GREM2: variants seen among roughly 807,000 people sequenced by gnomAD.
GREM2 encodes the protein gremlin 2, DAN family BMP antagonist.
Under a neutral mutation model 14.2 loss-of-function variants are expected in GREM2, and 11 were observed. The observed-to-expected ratio is 0.78, with a 90% CI of 0.49 to 1.28. The LOEUF is 1.28. GREM2 is among the 50% of genes most tolerant of loss of function. GREM2 has a pLI of 0.00. For synonymous variants in GREM2, 98 were observed against 97.6 expected (o/e 1.00, Z -0.02); for missense variants, 210 against 218.5 (o/e 0.96, Z 0.24).
chr1:240,505,855 T>C (rs1489939628), intron 1 of GREM2, among the ~76,000 whole-genome samples: 1 of 151,934 alleles, frequency 6.6e-6, no homozygotes, highest in African/African-American at 2.4e-5. Context: ...GAGAAAAAAA[T>C]GTAAAATTTC....
In GREM2 at chr1:240,493,085, C is replaced by A. The variant is rs34188522; in HGVS notation, c.391G>T (p.Val131Phe). 7 of 1,613,746 alleles carry A rather than the reference C, an allele frequency of 4.3e-6. No homozygotes were observed. In the East Asian group the frequency reaches 1.6e-4, roughly 36 times the overall value. ...AFCKPQRVTS[V>F]LVELECPGLD... ...CCGGGGCACTCGAGCTCCACGAGGA[C>A]GGAGGTGACGCGCTGGGGCTTGCAG... is the stretch of plus-strand genomic sequence containing the variant. Residue 131 changes from valine (V) to phenylalanine (F), a missense_variant, in exon 2 of 2, where the codon GTC becomes TTC. Val to Phe is a conservative substitution (Grantham distance 50). Coordinates refer to ENST00000318160, the MANE Select transcript of GREM2 (RefSeq NM_022469.4).
Position 240,490,657 on chromosome 1 carries a change from G to T in GREM2, c.*2312C>A, listed in dbSNP as rs542291556. 1.3e-4 allele frequency: 20 copies of T among 152,452 alleles called. No homozygotes were observed. The highest frequency in any genetic ancestry group is 4.8e-4 in the African/African-American group (20 of 41,504). The allele number at this position is 152,452 out of a possible 1,614,324, so 9.4% of individuals were successfully genotyped here. ...TTTGTACATACGATAACCCCAGAAG[G>T]AGCTTCACACTGCAGCATATCATAT... is the stretch of plus-strand genomic sequence containing the variant. On this transcript the variant is annotated 3_prime_UTR_variant, in exon 2 of 2. Transcript: ENST00000318160.
At chr1:240,528,192 T>G (rs1678268424) in intron 1 of GREM2, among the ~76,000 whole-genome samples, 2 of 152,226 alleles carry the variant, frequency 1.3e-5, no homozygotes, top group African/African-American at 4.8e-5. Context: ...TTGAGCTCCA[T>G]TTAAATATCT....
At chr1:240,508,690 T>C (rs1677733937) in intron 1 of GREM2, among the ~76,000 whole-genome samples, 1 of 152,242 alleles carries the variant, frequency 6.6e-6, no homozygotes, top group South Asian at 2.1e-4. Flanking sequence ...GAGCAAGTTC[T>C]ATTAACAATC....
chr1:240,550,136 C>T (rs1678817058), intron 1 of GREM2: 2 of 152,250 alleles, frequency 1.3e-5, no homozygotes, highest in Admixed American at 1.3e-4. Context: ...GATTCCCCTG[C>T]CATAGCCTCC....
chr1:240,547,248 C>T (rs751559221), intron 1 of GREM2, among the ~76,000 whole-genome samples: 1 of 151,936 alleles, frequency 6.6e-6, no homozygotes, highest in Non-Finnish European at 1.5e-5. Flanking sequence ...TGCCTGTAAT[C>T]CCAGGGCTTT....
At chr1:240,496,481 G>A (rs530420658) in intron 1 of GREM2, among the ~76,000 whole-genome samples, 153 of 152,256 alleles carry the variant, frequency 1.0e-3, no homozygotes, top group African/African-American at 3.4e-3. Flanking sequence ...CCTCTGTAGC[G>A]AAGGCTTAGA....
At position 240,493,360 on chromosome 1, in the gene GREM2, C is replaced by T; in HGVS notation, c.116G>A (p.Ser39Asn). 2 of 1,613,980 alleles carry T rather than the reference C, an allele frequency of 1.2e-6. No homozygotes were observed. The highest frequency in any genetic ancestry group is 1.7e-6 in the Non-Finnish European group (2 of 1,180,028). The change falls in exon 2 of 2, where the codon AGC (serine) becomes AAC (asparagine). Residue 39 changes from serine to asparagine, a missense_variant. Transcript: ENST00000318160. ...GTGCTGCCATCTCTCCGAGTTGTTGCTGCTGCCGTCCTTGTAAGGCGAGGG... is the reference window on the plus strand; with the variant it reads ...GTGCTGCCATCTCTCCGAGTTGTTGTTGCTGCCGTCCTTGTAAGGCGAGGG... ...AIPSPYKDGS[S>N]NNSERWQHQI...
At chr1:240,505,350 T>G (rs1677654563) in intron 1 of GREM2, among the ~76,000 whole-genome samples, 2 of 152,172 alleles carry the variant, frequency 1.3e-5, no homozygotes, top group South Asian at 4.1e-4. Context: ...GCATATATGA[T>G]TATACTATAT....
intron 1 of GREM2, among the ~76,000 whole-genome samples, chr1:240,565,354 C>A (rs1679155978): frequency 6.6e-6 from 1 of 151,982 alleles, no homozygotes. Flanking sequence ...TCTCAATTTG[C>A]CAAAATTTGA....
intron 1 of GREM2, among the ~76,000 whole-genome samples, chr1:240,578,018 G>A (rs933151111): frequency 1.3e-5 from 2 of 152,046 alleles, no homozygotes; most frequent in Non-Finnish European, 2.9e-5. Flanking sequence ...TGGGTCGCTG[G>A]GCTGTTAGAT....
At chr1:240,527,295 G>T (rs1678246690) in intron 1 of GREM2, among the ~76,000 whole-genome samples, 1 of 152,140 alleles carries the variant, frequency 6.6e-6, no homozygotes, top group South Asian at 2.1e-4. Flanking sequence ...CTCTGTATTT[G>T]TAACTTGAAA....
intron 1 of GREM2, among the ~76,000 whole-genome samples, chr1:240,509,991 A>G (rs1332440261): frequency 6.6e-6 from 1 of 152,216 alleles, no homozygotes; most frequent in Non-Finnish European, 1.5e-5. Flanking sequence ...ACTGTAGAGC[A>G]AAGCTGAGAC....
intron 1 of GREM2, among the ~76,000 whole-genome samples, chr1:240,565,593 T>A (rs536223624): frequency 1.5e-4 from 23 of 152,208 alleles, no homozygotes; most frequent in Non-Finnish European, 2.4e-4. Context: ...ATGCCTGTAA[T>A]ACTAGCACTT....
At chr1:240,571,567 G>A (rs1217255990) in intron 1 of GREM2, among the ~76,000 whole-genome samples, 15 of 152,010 alleles carry the variant, frequency 9.9e-5, no homozygotes, top group Non-Finnish European at 2.2e-4. Context: ...ATGGTGGCAG[G>A]TGCCTGTAAT....
intron 1 of GREM2, among the ~76,000 whole-genome samples, chr1:240,552,810 A>T (rs1278539969): frequency 6.6e-6 from 1 of 152,202 alleles, no homozygotes; most frequent in African/African-American, 2.4e-5. Flanking sequence ...AAGTTTTTGA[A>T]ACATGCTGTA....
chr1:240,501,288 C>G (rs961502982), intron 1 of GREM2, among the ~76,000 whole-genome samples: 50 of 152,350 alleles, frequency 3.3e-4, no homozygotes, highest in Non-Finnish European at 6.6e-4. Context: ...TCCCACATGA[C>G]TCAGAAGTTT....
intron 1 of GREM2, among the ~76,000 whole-genome samples, chr1:240,525,807 G>A (rs114792452): frequency 1.3e-5 from 2 of 152,186 alleles, no homozygotes; most frequent in South Asian, 4.1e-4. Flanking sequence ...AGTTCTGTCG[G>A]TTAGAAATCT....
intron 1 of GREM2, among the ~76,000 whole-genome samples, chr1:240,541,333 C>T (rs1678581810): frequency 6.6e-6 from 1 of 152,108 alleles, no homozygotes; most frequent in East Asian, 1.9e-4. Flanking sequence ...TTCAACATGC[C>T]AAAGCCTTGG....
Sources: allele counts gnomAD v4.1 joint callset (sites outside exome capture counted in the v4.1 genomes callset), GRCh38; gene constraint gnomAD v4.1.1; transcripts MANE v1.5; gene names NCBI Gene and HGNC (gene_info 2026-07-23, HGNC 2026-07-21).